Variants in MARCKS observed in about 807,000 individuals in gnomAD.
MARCKS encodes myristoylated alanine-rich C-kinase substrate.
MARCKS carries 4 observed loss-of-function variants against 6.3 expected under a neutral mutation model. The observed-to-expected ratio is 0.63, with a 90% CI of 0.31 to 1.45. The LOEUF is 1.45. Ranked by LOEUF, MARCKS falls within the 40% of genes most tolerant of loss-of-function variation. The pLI is 0.07. For missense variants in MARCKS, 636 were observed against 485.7 expected (o/e 1.31, Z -2.91); for synonymous variants, 289 against 236.5 (o/e 1.22, Z -2.04).
At position 113,857,669 on chromosome 6, in the gene MARCKS, G is replaced by C; in HGVS notation, c.-77G>C. Reference sequence around the variant, plus strand: ...GCCGCCGCCGCTGCTGCTGCTGCTCGCCCCGTCGTTACACCAACCCGAGGC... The same window carrying C: ...GCCGCCGCCGCTGCTGCTGCTGCTCCCCCCGTCGTTACACCAACCCGAGGC... On this transcript the variant is annotated 5_prime_UTR_variant, in exon 1 of 2. Coordinates refer to ENST00000612661, the MANE Select transcript of MARCKS (RefSeq NM_002356.7). The C allele has an allele frequency of 1.9e-6, 2 of 1,057,586 alleles. No individual in the cohort carries two copies. The highest frequency in any genetic ancestry group is 3.2e-5 in the East Asian group (1 of 30,826). The allele number at this position is 1,057,586 out of a possible 1,614,324, so 65.5% of individuals were successfully genotyped here.
rs1774875914 is a variant in MARCKS at position 113,860,395 on chromosome 6, C to T, written c.815C>T (p.Ala272Val). ...GTGGAGGAGAAAAAGGCCGAGGAGG[C>T]CGGGGCCAGCGCCGCCGCCTGCGAG... is the stretch of plus-strand genomic sequence containing the variant. Reference protein sequence around the residue: ...SKVEEKKAEEAGASAAACEAP... With the variant: ...SKVEEKKAEEVGASAAACEAP... Residue 272 changes from alanine to valine, a missense_variant, in exon 2 of 2, where the codon GCC (alanine) becomes GTC (valine). By Grantham distance (64) the Ala-to-Val change is moderately conservative. Coordinates refer to ENST00000612661, the MANE Select transcript of MARCKS (RefSeq NM_002356.7). The T allele has an allele frequency of 2.4e-6, 3 of 1,237,398 alleles. No homozygotes were observed. Among genetic ancestry groups the T allele is most frequent in the South Asian group, 1.5e-5 (1 of 64,968 alleles). 76.7% of individuals were successfully genotyped at this position (1,237,398 alleles called of 1,614,324 possible). A position where few individuals can be genotyped will look rare whatever the true frequency, so the allele number is the denominator to read the frequency against.
intron 1 of MARCKS, among the ~76,000 whole-genome samples, chr6:113,858,218 G>A (rs1400529477): frequency 2.0e-5 from 3 of 151,974 alleles, no homozygotes; most frequent in Non-Finnish European, 4.4e-5. Flanking sequence ...TGTTGTCGAA[G>A]CTGGATTGTC....
chr6:113,860,653 G>C lies in MARCKS; in HGVS notation c.*74G>C, dbSNP rs1209952595. On this transcript the variant is annotated 3_prime_UTR_variant, in exon 2 of 2. Coordinates refer to ENST00000612661, the MANE Select transcript of MARCKS (RefSeq NM_002356.7). The stretch of plus-strand genomic sequence containing the variant: ...TTTGTTGGAGTGGTGCCAGGTACTG[G>C]TTTTGGAGAACTTGTCTACAACCAG... The C allele has an allele frequency of 1.8e-6, 2 of 1,127,182 alleles. No homozygotes were observed. The highest frequency in any genetic ancestry group is 2.4e-6 in the Non-Finnish European group (2 of 835,432). The allele number at this position is 1,127,182 out of a possible 1,614,324, so 69.8% of individuals were successfully genotyped here. A position where few individuals can be genotyped will look rare whatever the true frequency, so the allele number is the denominator to read the frequency against.
rs776084029 is a variant in MARCKS, at chr6:113,859,986, C to A, written c.406C>A (p.Pro136Thr). 27 of 1,552,502 alleles carry A rather than the reference C, an allele frequency of 1.7e-5. No homozygotes were observed. The highest frequency in any genetic ancestry group is 2.3e-5 in the Non-Finnish European group (27 of 1,156,398). The change falls in exon 2 of 2, where the codon CCC (proline) becomes ACC (threonine). Residue 136 changes from proline (P) to threonine (T), a missense_variant. Transcript: ENST00000612661. Reference protein sequence around the residue: ...AASAASSTSSPKAEDGATPSP... With the variant: ...AASAASSTSSTKAEDGATPSP... ...GTCGGCCGCCTCCTCGACTTCTTCG[C>A]CCAAGGCCGAGGACGGGGCCACGCC...
chr6:113,859,153 G>A (rs1222500278), intron 1 of MARCKS, among the ~76,000 whole-genome samples: 1 of 152,190 alleles, frequency 6.6e-6, no homozygotes, highest in African/African-American at 2.4e-5. Context: ...GAGCTCGGAG[G>A]GCCCCGCGCG....
rs1774892216 is a variant in MARCKS, at chr6:113,860,934, C to T, written c.*355C>T. On this transcript the variant is annotated 3_prime_UTR_variant, in exon 2 of 2. Transcript: ENST00000612661. ...AAAAGTGTAAACTTTCTTTGTCAAT[C>T]TATGGACATGCCCATATATGAAGGA... 6.5e-6 allele frequency: 1 copy of T among 154,648 alleles called. No individual in the cohort carries two copies. Among genetic ancestry groups the T allele is most frequent in the Non-Finnish European group, 1.4e-5 (1 of 69,452 alleles). The allele number at this position is 154,648 out of a possible 1,614,324, so 9.6% of individuals were successfully genotyped here.
At chr6:113,858,326 G>A (rs1774820510) in intron 1 of MARCKS, among the ~76,000 whole-genome samples, 1 of 152,134 alleles carries the variant, frequency 6.6e-6, no homozygotes, top group African/African-American at 2.4e-5. Context: ...AGGCGAGGAG[G>A]GAAAGGCTGT....
Position 113,860,383 on chromosome 6 carries a change from A to G in MARCKS, c.803A>G (p.Lys268Arg), listed in dbSNP as rs1429642481. 6.3e-6 allele frequency: 8 copies of G among 1,264,924 alleles called. No homozygotes were observed. Among genetic ancestry groups the G allele is most frequent in the Admixed American group, 3.1e-5 (1 of 31,912 alleles). 78.4% of individuals were successfully genotyped at this position (1,264,924 alleles called of 1,614,324 possible). The change falls in exon 2 of 2, where the codon AAG (lysine) becomes AGG (arginine). Residue 268 changes from lysine to arginine, a missense_variant. Coordinates refer to ENST00000612661, the MANE Select transcript of MARCKS (RefSeq NM_002356.7). ...GAGCCCAGCAAGGTGGAGGAGAAAAAGGCCGAGGAGGCCGGGGCCAGCGCC... is the reference window on the plus strand; with the variant it reads ...GAGCCCAGCAAGGTGGAGGAGAAAAGGGCCGAGGAGGCCGGGGCCAGCGCC... ...AEEPSKVEEKKAEEAGASAAA... is the reference protein window; with the variant it reads ...AEEPSKVEEKRAEEAGASAAA...
At position 113,860,622 on chromosome 6, in the gene MARCKS, CGTTT is replaced by C. The variant is rs752257051; in HGVS notation, c.*51_*54del. On this transcript the variant is annotated 3_prime_UTR_variant, in exon 2 of 2. Coordinates refer to ENST00000612661, the MANE Select transcript of MARCKS (RefSeq NM_002356.7). ...AGATAATCGAAGAACTTTTCTCCCC[CGTTT>C]GTTTGTTGGAGTGGTGCCAGGTACT... The C allele has an allele frequency of 4.6e-5, 67 of 1,444,514 alleles. No individual in the cohort carries two copies. The highest frequency in any genetic ancestry group is 6.0e-5 in the Non-Finnish European group (65 of 1,089,216). 89.5% of individuals were successfully genotyped at this position (1,444,514 alleles called of 1,614,324 possible). A position where few individuals can be genotyped will look rare whatever the true frequency, so the allele number is the denominator to read the frequency against.
At chr6:113,858,339 T>C (rs916595559) in intron 1 of MARCKS, among the ~76,000 whole-genome samples, 2 of 151,986 alleles carry the variant, frequency 1.3e-5, no homozygotes, top group African/African-American at 4.8e-5. Context: ...AAGGCTGTCT[T>C]ATTGTATGCC....
At position 113,862,724 on chromosome 6, in the gene MARCKS, A is replaced by G. The variant is rs1774921265; in HGVS notation, c.*2145A>G. The G allele has an allele frequency of 6.6e-6, 1 of 152,176 alleles. No homozygotes were observed. Among genetic ancestry groups the G allele is most frequent in the East Asian group, 1.9e-4 (1 of 5,200 alleles). 9.4% of individuals were successfully genotyped at this position (152,176 alleles called of 1,614,324 possible). ...GAATGCCAAATCTTAAACTCATTAG[A>G]AAAATAACAAATTAGGTTTTGACAC... On this transcript the variant is annotated 3_prime_UTR_variant, in exon 2 of 2. Transcript: ENST00000612661.
chr6:113,860,177 C>G lies in MARCKS; in HGVS notation c.597C>G (p.Gly199=), dbSNP rs748486045. ...GCGGCAAGGACGAGGCCGCCGGGGG[C>G]GCAGCTGCGGCCGCCGCCGAGGCGG... is the stretch of plus-strand genomic sequence containing the variant. The part of the protein sequence containing the change: ...AEGGKDEAAG[G]AAAAAAEAGA... Residue 199 remains glycine, a synonymous_variant, in exon 2 of 2, where the codon GGC becomes GGG. Coordinates refer to ENST00000612661, the MANE Select transcript of MARCKS (RefSeq NM_002356.7). 2.6e-5 allele frequency: 33 copies of G among 1,268,654 alleles called. No homozygotes were observed. Among genetic ancestry groups the G allele is most frequent in the Non-Finnish European group, 3.3e-5 (33 of 997,596 alleles). 78.6% of individuals were successfully genotyped at this position (1,268,654 alleles called of 1,614,324 possible). A position where few individuals can be genotyped will look rare whatever the true frequency, so the allele number is the denominator to read the frequency against.
At position 113,862,675 on chromosome 6, in the gene MARCKS, C is replaced by T. The variant is rs747438920; in HGVS notation, c.*2096C>T. ...GTGCAGTTTAGGGTTCATGATAAAT[C>T]ATTGAACCACATGTGTAACAACTGA... On this transcript the variant is annotated 3_prime_UTR_variant, in exon 2 of 2. Coordinates refer to ENST00000612661, the MANE Select transcript of MARCKS (RefSeq NM_002356.7). 5 of 152,070 alleles carry T rather than the reference C, an allele frequency of 3.3e-5. No homozygotes were observed. The highest frequency in any genetic ancestry group is 7.4e-5 in the Non-Finnish European group (5 of 67,954). 9.4% of individuals were successfully genotyped at this position (152,070 alleles called of 1,614,324 possible).
In MARCKS at chr6:113,859,774, C is replaced by T; in HGVS notation, c.194C>T (p.Pro65Leu). 6.9e-7 allele frequency: 1 copy of T among 1,449,364 alleles called. No individual in the cohort carries two copies. The highest frequency in any genetic ancestry group is 1.5e-5 in the African/African-American group (1 of 66,862). The allele number at this position is 1,449,364 out of a possible 1,614,324, so 89.8% of individuals were successfully genotyped here. ...GAGCTGCAGGCCAACGGCAGCGCCC[C>T]GGCCGCCGACAAGGAGGAGCCCGCG... ...KEELQANGSA[P>L]AADKEEPAAA... is the part of the protein sequence containing the mutation. Residue 65 changes from proline (P) to leucine (L), a missense_variant, in exon 2 of 2, where the codon CCG becomes CTG. Pro to Leu is a moderately conservative substitution (Grantham distance 98). Coordinates refer to ENST00000612661, the MANE Select transcript of MARCKS (RefSeq NM_002356.7).
Position 113,860,556 on chromosome 6 carries a change from C to A in MARCKS, c.976C>A (p.Pro326Thr), listed in dbSNP as rs775757329. The A allele has an allele frequency of 3.2e-6, 5 of 1,558,648 alleles. No individual in the cohort carries two copies. Among genetic ancestry groups the A allele is most frequent in the Admixed American group, 2.0e-5 (1 of 50,878 alleles). Residue 326 changes from proline (P) to threonine (T), a missense_variant, in exon 2 of 2, where the codon CCC becomes ACC. By Grantham distance (38) the Pro-to-Thr change is conservative. Coordinates refer to ENST00000612661, the MANE Select transcript of MARCKS (RefSeq NM_002356.7). ...CCAGCCCGAGTGCAGTCCAGAAGCC[C>A]CCCCAGCGGAGGCGGCAGAGTAAAA... is the stretch of plus-strand genomic sequence containing the variant. ...EAQPECSPEA[P>T]PAEAAE
At position 113,859,900 on chromosome 6, in the gene MARCKS, C is replaced by T. The variant is rs769960834; in HGVS notation, c.320C>T (p.Ala107Val). 1.1e-5 allele frequency: 16 copies of T among 1,444,192 alleles called. No homozygotes were observed. The Admixed American group carries it at 2.0e-4, about 18-fold the overall frequency. 89.5% of individuals were successfully genotyped at this position (1,444,192 alleles called of 1,614,324 possible). Residue 107 changes from alanine (A) to valine (V), a missense_variant, in exon 2 of 2, where the codon GCC (alanine) becomes GTC (valine). Physicochemically the swap from Ala to Val is moderately conservative, Grantham distance 64. Coordinates refer to ENST00000612661, the MANE Select transcript of MARCKS (RefSeq NM_002356.7). Reference sequence around the variant, plus strand: ...GGGGCCAGCCCGGTAGAGAAGGAGGCCCCCGCGGAAGGCGAGGCTGCCGAG... The same window carrying T: ...GGGGCCAGCCCGGTAGAGAAGGAGGTCCCCGCGGAAGGCGAGGCTGCCGAG... The part of the protein sequence containing the change: ...EAGASPVEKE[A>V]PAEGEAAEPG...
chr6:113,862,543 A>C lies in MARCKS; in HGVS notation c.*1964A>C, dbSNP rs1774918574. On this transcript the variant is annotated 3_prime_UTR_variant, in exon 2 of 2. Transcript: ENST00000612661. The stretch of plus-strand genomic sequence containing the variant: ...CTCCTCTGCTCTTTGCCACCCGATA[A>C]CTGGATATCTTTTCCTTCAAAGGAC... The C allele has an allele frequency of 6.6e-6, 1 of 151,908 alleles. No individual in the cohort carries two copies. Among genetic ancestry groups the C allele is most frequent in the East Asian group, 1.9e-4 (1 of 5,198 alleles). The allele number at this position is 151,908 out of a possible 1,614,324, so 9.4% of individuals were successfully genotyped here.
rs1774880928 is a variant in MARCKS at position 113,860,508 on chromosome 6, TGCGCAGCC to T, written c.929_936del (p.Cys310SerfsTer29). On this transcript the variant is annotated frameshift_variant, in exon 2 of 2. Transcript: ENST00000612661. LOFTEE classifies it high-confidence loss of function. ...CGCGGCCGCCGCAGCCTCGTCAGCC[TGCGCAGCC>T]CCCTCACAGGAGGCCCAGCCCGAGT... The T allele has an allele frequency of 1.3e-6, 2 of 1,534,896 alleles. No homozygotes were observed.
chr6:113,857,867 G>A lies in MARCKS; in HGVS notation c.102+20G>A. ...GGACAGGTAAATTCTACCTGTGGTT[G>A]TGGTCATTTATTTCGTGTCTTTCTC... On this transcript the variant is annotated intron_variant, in intron 1 of 1. Transcript: ENST00000612661. 1 of 1,566,578 alleles carries A rather than the reference G, an allele frequency of 6.4e-7. No individual in the cohort carries two copies. The highest frequency in any genetic ancestry group is 8.7e-7 in the Non-Finnish European group (1 of 1,153,388).
Sources: gnomAD v4.1 joint callset for allele counts (sites outside exome capture counted in the v4.1 genomes callset) on GRCh38, gnomAD v4.1.1 for gene constraint, MANE v1.5 for transcripts, NCBI Gene and HGNC (gene_info 2026-07-23, HGNC 2026-07-21) for gene names.